Variants in CYTH3 observed in about 807,000 individuals in gnomAD.
The protein encoded by CYTH3 is cytohesin-3.
In CYTH3, 23 loss-of-function variants were observed where a neutral mutation model predicts 55.1. That is an observed-to-expected ratio of 0.42 (90% CI 0.30 to 0.59). The LOEUF (loss-of-function observed/expected upper bound fraction) is 0.59. Ranked by LOEUF, CYTH3 falls within the 20% of genes least tolerant of loss-of-function variation. The probability of loss-of-function intolerance (pLI) is 0.20; values close to 1 mark genes in which losing one functional copy is unlikely to be tolerated. For synonymous variants in CYTH3, 249 were observed against 194.9 expected (o/e 1.28, Z -2.31); for missense variants, 413 against 524.8 (o/e 0.79, Z 2.08).
intron 3 of CYTH3, among the ~76,000 whole-genome samples, 169 bp downstream of exon 3, chr7:6,187,488 A>G (rs58654974): frequency 0.015 from 2,236 of 152,228 alleles, 60 homozygotes; most frequent in African/African-American, 0.051. Context: ...CATCCAGGGA[A>G]ACACCCCTGG....
At chr7:6,236,255 G>A (rs1436645529) in intron 1 of CYTH3, among the ~76,000 whole-genome samples, 1 of 151,678 alleles carries the variant, frequency 6.6e-6, no homozygotes, top group Non-Finnish European at 1.5e-5. Flanking sequence ...CCAGGCTGGA[G>A]TACAGTGGCA....
chr7:6,198,206 T>G (rs1301954320), intron 1 of CYTH3, among the ~76,000 whole-genome samples: 1 of 151,896 alleles, frequency 6.6e-6, no homozygotes, highest in Admixed American at 6.6e-5. Context: ...AGTAACAGAA[T>G]TATCCTTGAC....
intron 1 of CYTH3, among the ~76,000 whole-genome samples, chr7:6,196,367 CAAATA>C (rs1182055098): frequency 6.6e-6 from 1 of 151,242 alleles, no homozygotes; most frequent in African/African-American, 2.4e-5. Context: ...CCAGAGAGAT[CAAATA>C]AAATAAAGAA....
chr7:6,259,767 ATATAT>A (rs1429896660), intron 1 of CYTH3, among the ~76,000 whole-genome samples: 1,250 of 24,312 alleles, frequency 0.051, 47 homozygotes, highest in East Asian at 0.07. Context: ...TTATATATAT[ATATAT>A]TATATATATA....
chr7:6,169,715 C>A lies in CYTH3; in HGVS notation c.823+820G>T, dbSNP rs1783116190. Among the ~76,000 whole-genome samples, 1 of 152,146 alleles carries A rather than the reference C, an allele frequency of 6.6e-6. No homozygotes were observed. The highest frequency in any genetic ancestry group is 2.4e-5 in the African/African-American group (1 of 41,420). ...CTGCCCGTAATTGCCCTAAATTGCT[C>A]CAAAGGCCTTTAGAGCACTCCCGAA... On this transcript the variant is annotated intron_variant, in intron 9 of 12. Coordinates refer to ENST00000350796, the MANE Select transcript of CYTH3 (RefSeq NM_004227.4). The surrounding 1 kb of genome is among the most constrained non-coding windows in gnomAD (Gnocchi z 4.1).
At chr7:6,238,668 A>C (rs531736108) in intron 1 of CYTH3, among the ~76,000 whole-genome samples, 1 of 152,332 alleles carries the variant, frequency 6.6e-6, no homozygotes, top group East Asian at 1.9e-4. Context: ...ACCATAACCA[A>C]AAGTGAATCC....
intron 1 of CYTH3, among the ~76,000 whole-genome samples, chr7:6,265,895 T>C (rs1166499675): frequency 1.3e-5 from 2 of 151,824 alleles, no homozygotes; most frequent in South Asian, 2.1e-4. Flanking sequence ...AACACCACAA[T>C]ATACTGAGAT....
chr7:6,201,294 C>G (rs1482838365), intron 1 of CYTH3, among the ~76,000 whole-genome samples: 1 of 152,172 alleles, frequency 6.6e-6, no homozygotes, highest in Non-Finnish European at 1.5e-5. Context: ...CATGCCGCAG[C>G]TAGCCAGGAT....
chr7:6,177,784 G>T, intron 5 of CYTH3, 39 bp downstream of exon 5: 1 of 1,494,088 alleles, frequency 6.7e-7, no homozygotes, highest in Non-Finnish European at 9.3e-7. Context: ...GCAGGGCTGA[G>T]TGGCCCCAGG....
chr7:6,241,952 G>T (rs1032300282), intron 1 of CYTH3, among the ~76,000 whole-genome samples: 5 of 152,154 alleles, frequency 3.3e-5, no homozygotes, highest in Non-Finnish European at 5.9e-5. Context: ...GCATAAAGAA[G>T]AAACTAATAA....
chr7:6,168,454 C>T (rs187592620), intron 9 of CYTH3, among the ~76,000 whole-genome samples: 43 of 152,232 alleles, frequency 2.8e-4, no homozygotes, highest in African/African-American at 9.9e-4. Flanking sequence ...GCACCCATCT[C>T]GTCTGCCTCC....
At chr7:6,200,443 G>A (rs994592370) in intron 1 of CYTH3, among the ~76,000 whole-genome samples, 13 of 152,140 alleles carry the variant, frequency 8.5e-5, no homozygotes, top group Non-Finnish European at 1.6e-4. Flanking sequence ...GTGATAATAC[G>A]TACCCTGAAC....
At chr7:6,251,849 T>C (rs1779980196) in intron 1 of CYTH3, among the ~76,000 whole-genome samples, 1 of 152,204 alleles carries the variant, frequency 6.6e-6, no homozygotes, top group African/African-American at 2.4e-5. Context: ...ACCATTGGTA[T>C]TTAATAGTCC....
rs1783262270 is a variant in CYTH3, at chr7:6,173,749, G to A, written c.369-16C>T. The A allele has an allele frequency of 1.3e-6, 2 of 1,494,920 alleles. No homozygotes were observed. The highest frequency in any genetic ancestry group is 1.4e-5 in the African/African-American group (1 of 72,796). 92.6% of individuals were successfully genotyped at this position (1,494,920 alleles called of 1,614,324 possible). A position where few individuals can be genotyped will look rare whatever the true frequency, so the allele number is the denominator to read the frequency against. ...AAATTCATCCCTGGGAAAAAAAGAA[G>A]TAAGTTTCAAACCTAATGTACATTA... On this transcript the variant is annotated splice_polypyrimidine_tract_variant and intron_variant, in intron 5 of 12. Coordinates refer to ENST00000350796, the MANE Select transcript of CYTH3 (RefSeq NM_004227.4).
At chr7:6,221,525 G>T (rs1784552824) in intron 1 of CYTH3, among the ~76,000 whole-genome samples, 1 of 152,114 alleles carries the variant, frequency 6.6e-6, no homozygotes, top group Non-Finnish European at 1.5e-5. Context: ...CTACGCATGG[G>T]TGATGACACA....
chr7:6,253,588 C>T (rs992844206), intron 1 of CYTH3, among the ~76,000 whole-genome samples: 1 of 151,858 alleles, frequency 6.6e-6, no homozygotes, highest in African/African-American at 2.4e-5. Context: ...GAGGCCAAGG[C>T]GGGCAGATCA....
chr7:6,166,064 G>C (rs554431347), intron 9 of CYTH3, among the ~76,000 whole-genome samples: 1 of 152,202 alleles, frequency 6.6e-6, no homozygotes, highest in Non-Finnish European at 1.5e-5. Flanking sequence ...TCCTGGGAGA[G>C]TTAGTGGGAT....
chr7:6,188,052 A>G (rs1008826676), intron 2 of CYTH3, among the ~76,000 whole-genome samples: 12 of 152,112 alleles, frequency 7.9e-5, no homozygotes, highest in African/African-American at 2.7e-4. Context: ...CCAAGCCAGG[A>G]GCAGTGGCTC....
intron 5 of CYTH3, among the ~76,000 whole-genome samples, chr7:6,174,443 A>G (rs891412557): frequency 1.3e-5 from 2 of 151,754 alleles, no homozygotes; most frequent in Admixed American, 6.6e-5. Context: ...TCAGCAATGA[A>G]TAAGGGTTTG....
Sources: allele counts gnomAD v4.1 joint callset (sites outside exome capture counted in the v4.1 genomes callset), GRCh38; gene constraint gnomAD v4.1.1; non-coding constraint Gnocchi (gnomAD v3.1); transcripts MANE v1.5; gene names NCBI Gene and HGNC (gene_info 2026-07-23, HGNC 2026-07-21).